Variants in NUTM2E observed in about 807,000 individuals in gnomAD.
NUTM2E encodes the protein family with sequence similarity 22, member E.
NUTM2E carries 3 observed loss-of-function variants against 26.1 expected under a neutral mutation model. The ratio of observed to expected loss-of-function variants is 0.12; its 90% CI spans 0.05 to 0.30. The LOEUF is 0.30. NUTM2E is among the 10% of genes least tolerant of loss of function. The pLI, the probability that NUTM2E is intolerant of heterozygous loss-of-function variation, is 1.00. For missense variants in NUTM2E, 62 were observed against 381.3 expected (o/e 0.16, Z 6.97); for synonymous variants, 13 against 157.5 (o/e 0.08, Z 6.87).
At chr10:79,837,068 G>A (rs184210045) in intron 1 of NUTM2E, among the ~76,000 whole-genome samples, 5 of 152,048 alleles carry the variant, frequency 3.3e-5, no homozygotes, top group African/African-American at 7.2e-5. Context: ...GAGGAGGATA[G>A]GGCATGACTT....
At chr10:79,834,415 GT>G (rs1841947689) in intron 1 of NUTM2E, among the ~76,000 whole-genome samples, 2 of 151,668 alleles carry the variant, frequency 1.3e-5, no homozygotes, top group South Asian at 2.1e-4. Context: ...TTAATTCACA[GT>G]TGGGCAGGGC....
At chr10:79,830,425 G>T (rs1002429785) in intron 1 of NUTM2E, among the ~76,000 whole-genome samples, 5 of 151,740 alleles carry the variant, frequency 3.3e-5, no homozygotes, top group African/African-American at 1.2e-4. Flanking sequence ...TAACAAAGAT[G>T]TATCATGGAA....
chr10:79,831,752 G>T, intron 1 of NUTM2E, among the ~76,000 whole-genome samples: 1 of 151,466 alleles, frequency 6.6e-6, no homozygotes, highest in Admixed American at 6.6e-5. Flanking sequence ...ATTTACAAAA[G>T]AATAAGTAAA....
At chr10:79,834,406 T>G (rs1841947641) in intron 1 of NUTM2E, among the ~76,000 whole-genome samples, 1 of 151,660 alleles carries the variant, frequency 6.6e-6, no homozygotes, top group African/African-American at 2.4e-5. Context: ...GATATAAATT[T>G]AATTCACAGT....
chr10:79,834,910 TTA>T lies in NUTM2E; in HGVS notation c.-2727-3397_-2727-3396del, dbSNP rs1295275621. 7.9e-5 allele frequency among the ~76,000 whole-genome samples: 12 copies of T among 151,720 alleles called. No individual in the cohort carries two copies. The East Asian group carries it at 2.3e-3, about 29-fold the overall frequency. On this transcript the variant is annotated intron_variant, in intron 1 of 9. Transcript: ENST00000429984. ...CATACTTTTGTTAGTGTGTTTAATTTTATTTTATCTTTCTCTCTGTGTGTTTC... is the reference window on the plus strand; with the variant it reads ...CATACTTTTGTTAGTGTGTTTAATTTTTTTATCTTTCTCTCTGTGTGTTTC...
intron 1 of NUTM2E, among the ~76,000 whole-genome samples, chr10:79,834,023 A>G (rs552523556): frequency 2.0e-5 from 3 of 152,016 alleles, no homozygotes; most frequent in South Asian, 2.1e-4. Context: ...GTGGAATGCT[A>G]TGCAGCCATA....
At chr10:79,839,303 G>T (rs1335717361) in intron 3 of NUTM2E, among the ~76,000 whole-genome samples, 188 bp downstream of exon 3, 4 of 150,886 alleles carry the variant, frequency 2.7e-5, no homozygotes, top group African/African-American at 4.9e-5. Context: ...CAGTCTGGAG[G>T]TTCCATTAAA....
intron 1 of NUTM2E, among the ~76,000 whole-genome samples, chr10:79,837,009 T>A (rs1391959093): frequency 6.6e-6 from 1 of 151,494 alleles, no homozygotes; most frequent in Non-Finnish European, 1.5e-5. Context: ...GAAAAAAAAA[T>A]TGTGAAACAT....
At chr10:79,829,483 C>T (rs1841913124) in intron 1 of NUTM2E, among the ~76,000 whole-genome samples, 1 of 151,846 alleles carries the variant, frequency 6.6e-6, no homozygotes, top group African/African-American at 2.4e-5. Flanking sequence ...GGATTATCAA[C>T]CCAATCAGCT....
intron 1 of NUTM2E, among the ~76,000 whole-genome samples, chr10:79,828,812 T>C (rs1202985132): frequency 6.6e-6 from 1 of 151,838 alleles, no homozygotes; most frequent in Non-Finnish European, 1.5e-5. Context: ...TTCATAGGCT[T>C]GCTGTAATAA....
intron 1 of NUTM2E, among the ~76,000 whole-genome samples, chr10:79,834,339 T>A (rs532603568): frequency 6.6e-6 from 1 of 151,824 alleles, no homozygotes; most frequent in African/African-American, 2.4e-5. Flanking sequence ...CATGTATAAC[T>A]TAAGTATCAT....
intron 1 of NUTM2E, among the ~76,000 whole-genome samples, chr10:79,830,051 A>G (rs1841916821): frequency 6.6e-6 from 1 of 151,806 alleles, no homozygotes; most frequent in African/African-American, 2.4e-5. Flanking sequence ...ATATATTTAT[A>G]ATCATCCTAG....
chr10:79,838,245 C>G (rs1489130474), intron 1 of NUTM2E, among the ~76,000 whole-genome samples, 64 bp from the exon 2 acceptor site: 1 of 122,046 alleles, frequency 8.2e-6, no homozygotes, highest in East Asian at 2.3e-4. Flanking sequence ...CTCTTGCATC[C>G]ACAACCAACT....
intron 5 of NUTM2E, among the ~76,000 whole-genome samples, chr10:79,845,558 C>A (rs1417371221): frequency 9.4e-6 from 1 of 106,856 alleles, no homozygotes; most frequent in African/African-American, 2.9e-5. Flanking sequence ...GATTACTGTC[C>A]CCATTACTAT....
intron 1 of NUTM2E, among the ~76,000 whole-genome samples, chr10:79,834,189 C>G (rs1336506681): frequency 6.6e-6 from 1 of 151,116 alleles, no homozygotes; most frequent in Non-Finnish European, 1.5e-5. Context: ...AGGGAAACAT[C>G]ACACACTGGG....
At chr10:79,834,778 T>C (rs1280059287) in intron 1 of NUTM2E, among the ~76,000 whole-genome samples, 3 of 149,586 alleles carry the variant, frequency 2.0e-5, no homozygotes, top group Admixed American at 1.3e-4. Flanking sequence ...ATTGAAACTT[T>C]ATGTTTTAGA....
chr10:79,837,050 G>T (rs201648855), intron 1 of NUTM2E, among the ~76,000 whole-genome samples: 11 of 151,974 alleles, frequency 7.2e-5, no homozygotes, highest in Admixed American at 2.0e-4. Flanking sequence ...GAAGGAAAAG[G>T]CAATGTGGAG....
Position 79,845,307 on chromosome 10 carries a change from C to T in NUTM2E, c.1082+435C>T, listed in dbSNP as rs448174. On this transcript the variant is annotated intron_variant, in intron 5 of 9. Transcript: ENST00000429984. ...GCCCAGCAGGAACCTGGCACATGCC[C>T]GCAGTTCCGCTGAGGTCCAGTTAGC... Among the ~76,000 whole-genome samples, 48 of 113,172 alleles carry T rather than the reference C, an allele frequency of 4.2e-4. 1 individual carries two copies. Among genetic ancestry groups the T allele is most frequent in the African/African-American group, 7.6e-4 (27 of 35,420 alleles). The allele number at this position is 113,172 out of a possible 152,430, so 74.2% of individuals were successfully genotyped here. A position where few individuals can be genotyped will look rare whatever the true frequency, so the allele number is the denominator to read the frequency against.
At chr10:79,836,749 TG>T (rs1841965795) in intron 1 of NUTM2E, among the ~76,000 whole-genome samples, 1 of 151,990 alleles carries the variant, frequency 6.6e-6, no homozygotes, top group Non-Finnish European at 1.5e-5. Context: ...TACTTGAAAC[TG>T]CCTGTACAAT....
Sources: gnomAD v4.1 joint callset for allele counts (sites outside exome capture counted in the v4.1 genomes callset) on GRCh38, gnomAD v4.1.1 for gene constraint, MANE v1.5 for transcripts, NCBI Gene and HGNC (gene_info 2026-07-23, HGNC 2026-07-21) for gene names.